The following NOL4L variants were observed in gnomAD, a reference collection of about 807,000 sequenced individuals.
NOL4L encodes the protein nucleolar protein 4-like.
NOL4L carries 7 observed loss-of-function variants against 64.5 expected under a neutral mutation model. The ratio of observed to expected loss-of-function variants is 0.11; its 90% CI spans 0.06 to 0.20. NOL4L has a LOEUF of 0.20. Ranked by LOEUF, NOL4L falls within the 10% of genes least tolerant of loss-of-function variation. NOL4L has a pLI of 1.00. For synonymous variants in NOL4L, 413 were observed against 401.0 expected, an observed-to-expected ratio of 1.03 and a Z score of -0.36; for missense variants, 680 against 967.1, an observed-to-expected ratio of 0.70 and a Z score of 3.94.
intron 1 of NOL4L, among the ~76,000 whole-genome samples, chr20:32,543,454 A>G (rs184078482): frequency 1.3e-5 from 2 of 152,254 alleles, no homozygotes; most frequent in African/African-American, 2.4e-5. Flanking sequence ...CCCTGTCTCT[A>G]CTAAAAATAC....
rs2012267399 is a variant in NOL4L at position 32,444,979 on chromosome 20, AGCT to A, written c.*2614_*2616del. 6.6e-6 allele frequency: 1 copy of A among 152,170 alleles called. No individual in the cohort carries two copies. Among genetic ancestry groups the A allele is most frequent in the Admixed American group, 6.6e-5 (1 of 15,266 alleles). The allele number at this position is 152,170 out of a possible 1,614,324, so 9.4% of individuals were successfully genotyped here. A position where few individuals can be genotyped will look rare whatever the true frequency, so the allele number is the denominator to read the frequency against. ...GCAAAACAAGTTCCCTGACTGAGCC[AGCT>A]AAATGGAATCCTGTTTCCATGCAGA... On this transcript the variant is annotated 3_prime_UTR_variant, in exon 11 of 11. Coordinates refer to ENST00000621426, the MANE Select transcript of NOL4L (RefSeq NM_001256798.2).
At chr20:32,508,877 CT>C (rs1348532795) in intron 4 of NOL4L, among the ~76,000 whole-genome samples, 1 of 152,240 alleles carries the variant, frequency 6.6e-6, no homozygotes, top group Non-Finnish European at 1.5e-5. Flanking sequence ...TGCTTTCCCC[CT>C]TTTGCTTCGG....
chr20:32,573,563 A>T (rs1979900252), intron 1 of NOL4L: 2 of 158,330 alleles, frequency 1.3e-5, no homozygotes, highest in South Asian at 1.8e-4. Flanking sequence ...CTTGGTATAG[A>T]TACTTCTATA....
At chr20:32,557,854 C>T (rs542305205) in intron 1 of NOL4L, among the ~76,000 whole-genome samples, 1 of 152,304 alleles carries the variant, frequency 6.6e-6, no homozygotes, top group Non-Finnish European at 1.5e-5. Context: ...CACTTGAGCT[C>T]AGGAGTTTGA....
intron 4 of NOL4L, among the ~76,000 whole-genome samples, chr20:32,480,253 A>C (rs1319520168): frequency 6.6e-6 from 1 of 152,160 alleles, no homozygotes. Flanking sequence ...CTATCTCTAC[A>C]GCTTGCTTGA....
chr20:32,504,164 T>A (rs2017038161), intron 4 of NOL4L, among the ~76,000 whole-genome samples: 1 of 152,218 alleles, frequency 6.6e-6, no homozygotes, highest in Non-Finnish European at 1.5e-5. Flanking sequence ...TAATCACTCT[T>A]GCTGGACTGA....
At chr20:32,492,306 TG>T (rs2016499294) in intron 4 of NOL4L, among the ~76,000 whole-genome samples, 1 of 152,240 alleles carries the variant, frequency 6.6e-6, no homozygotes, top group Admixed American at 6.5e-5. Context: ...CACACACTTA[TG>T]CTTGTGAGCA....
At chr20:32,571,812 C>T (rs907358863) in intron 1 of NOL4L, among the ~76,000 whole-genome samples, 3 of 152,352 alleles carry the variant, frequency 2.0e-5, no homozygotes, top group Middle Eastern at 3.4e-3. Flanking sequence ...AGGCCCCACC[C>T]GCTGAGGGCA....
chr20:32,536,219 CAG>C, intron 1 of NOL4L: 1 of 985,510 alleles, frequency 1.0e-6, no homozygotes, highest in Non-Finnish European at 1.2e-6. Context: ...CAGCCTAGGA[CAG>C]GGAATCGGGA....
intron 3 of NOL4L, among the ~76,000 whole-genome samples, chr20:32,518,394 A>G (rs934279414): frequency 1.3e-5 from 2 of 152,166 alleles, no homozygotes; most frequent in Non-Finnish European, 2.9e-5. Context: ...CAGCGAGGAG[A>G]GGAAGCAGGC....
At chr20:32,561,036 G>A (rs6087933) in intron 1 of NOL4L, 18,843 of 152,366 alleles carry the variant, frequency 0.12, 1,555 homozygotes, top group African/African-American at 0.23. Context: ...TGACGGATGT[G>A]CCCGCCACCG....
At chr20:32,530,006 T>C (rs574097604) in intron 1 of NOL4L, among the ~76,000 whole-genome samples, 1 of 152,308 alleles carries the variant, frequency 6.6e-6, no homozygotes, top group South Asian at 2.1e-4. Context: ...TCTCAGGCCA[T>C]CTGTACGGGC....
At chr20:32,527,278 C>T (rs1221061294) in intron 2 of NOL4L, among the ~76,000 whole-genome samples, 1 of 152,178 alleles carries the variant, frequency 6.6e-6, no homozygotes, top group African/African-American at 2.4e-5. Context: ...CCTTCGACTT[C>T]CCCTGGGGAA....
intron 4 of NOL4L, among the ~76,000 whole-genome samples, chr20:32,483,790 C>CAGGGAGAGGGGAGAGGAGAAAGG (rs1406651872): frequency 3.4e-4 from 43 of 127,340 alleles, no homozygotes; most frequent in Middle Eastern, 4.1e-3. Context: ...AGGAGGCACC[C>CAGGGAGAGGGGAGAGGAGAAAGG]AGGGAGAGGG....
intron 3 of NOL4L, among the ~76,000 whole-genome samples, chr20:32,515,280 A>C (rs1358636606): frequency 6.6e-6 from 1 of 152,178 alleles, no homozygotes; most frequent in Non-Finnish European, 1.5e-5. Context: ...CATCCCGAGC[A>C]GACCCCTAAA....
chr20:32,535,512 C>G (rs946646840), intron 1 of NOL4L: 2 of 887,472 alleles, frequency 2.3e-6, no homozygotes, highest in Non-Finnish European at 2.7e-6. Context: ...ACCACCGAGT[C>G]GCACCTGCCA....
At chr20:32,494,271 A>G (rs1362401037) in intron 4 of NOL4L, among the ~76,000 whole-genome samples, 1 of 142,056 alleles carries the variant, frequency 7.0e-6, no homozygotes, top group Non-Finnish European at 1.5e-5. Flanking sequence ...AAAAAAAAAA[A>G]AAAAAAAAAA....
At chr20:32,476,801 C>T in intron 4 of NOL4L, among the ~76,000 whole-genome samples, 1 of 152,224 alleles carries the variant, frequency 6.6e-6, no homozygotes. Context: ...GGAAGCAGGG[C>T]AAGAGGGCAG....
intron 2 of NOL4L, among the ~76,000 whole-genome samples, chr20:32,525,907 G>A (rs151162618): frequency 0.017 from 2,658 of 152,208 alleles, 54 homozygotes; most frequent in African/African-American, 0.059. Flanking sequence ...ATAGGCATGC[G>A]CCACCATGCC....
Sources: allele counts gnomAD v4.1 joint callset (sites outside exome capture counted in the v4.1 genomes callset), GRCh38; gene constraint gnomAD v4.1.1; transcripts MANE v1.5; gene names NCBI Gene and HGNC (gene_info 2026-07-23, HGNC 2026-07-21).